Variants in ACTR1B observed in about 807,000 individuals in gnomAD.
ACTR1B encodes the protein actin related protein 1B.
Under a neutral mutation model 49.4 loss-of-function variants are expected in ACTR1B, and 34 were observed. That is an observed-to-expected ratio of 0.69 (90% confidence interval 0.52 to 0.92). The LOEUF (loss-of-function observed/expected upper bound fraction) is 0.92. ACTR1B is among the 40% of genes least tolerant of loss of function. The probability of loss-of-function intolerance (pLI) is 0.00; values close to 1 mark genes in which losing one functional copy is unlikely to be tolerated. For synonymous variants in ACTR1B, 207 were observed against 207.8 expected, an observed-to-expected ratio of 1.00 and a Z score of 0.03; for missense variants, 471 against 522.4, an observed-to-expected ratio of 0.90 and a Z score of 0.96.
In ACTR1B at chr2:97,658,338, C is replaced by T; in HGVS notation, c.658-22G>A. 1 of 1,614,108 alleles carries T rather than the reference C, an allele frequency of 6.2e-7. No individual in the cohort carries two copies. Among genetic ancestry groups the T allele is most frequent in the African/African-American group, 1.3e-5 (1 of 75,058 alleles). On this transcript the variant is annotated intron_variant, in intron 6 of 10. Transcript: ENST00000289228. This position sits in a 1 kb window ranked among gnomAD's most constrained non-coding sequence, Gnocchi z 5.9. ...CTCGCTGCGGGGACAGGGACACAGC[C>T]CTCAGAAGGCTGCACCTGGGACACC...
chr2:97,662,357 T>C (rs1675038371), intron 1 of ACTR1B, among the ~76,000 whole-genome samples: 1 of 151,414 alleles, frequency 6.6e-6, no homozygotes, highest in Non-Finnish European at 1.5e-5. Flanking sequence ...CAGGATTCCA[T>C]AGCACATGCT....
In ACTR1B at chr2:97,658,192, C is replaced by G; in HGVS notation, c.750+32G>C. On this transcript the variant is annotated intron_variant, in intron 7 of 10. Coordinates refer to ENST00000289228, the MANE Select transcript of ACTR1B (RefSeq NM_005735.4). The surrounding 1 kb of genome is among the most constrained non-coding windows in gnomAD (Gnocchi z 5.9). ...CCCCTTCCCCCAGGCTGGGCATCGG[C>G]TGCCACTCCAGTGCCAGGCCCGGCC... 6.2e-7 allele frequency: 1 copy of G among 1,613,644 alleles called. No individual in the cohort carries two copies.
At position 97,658,461 on chromosome 2, in the gene ACTR1B, G is replaced by A. The variant is rs1674917114; in HGVS notation, c.623C>T (p.Ser208Leu). Residue 208 changes from serine to leucine, a missense_variant, in exon 6 of 11, where the codon TCG becomes TTG. Transcript: ENST00000289228. This position sits in a 1 kb window ranked among gnomAD's most constrained non-coding sequence, Gnocchi z 5.9. ...TGTCCGGACAACCTCAAACTCAGCCGAGGTATGGAAGTCAACCCCTTCCTT... is the reference window on the plus strand; with the variant it reads ...TGTCCGGACAACCTCAAACTCAGCCAAGGTATGGAAGTCAACCCCTTCCTT... ...LRKEGVDFHT[S>L]AEFEVVRTIK... 3 of 1,614,096 alleles carry A rather than the reference G, an allele frequency of 1.9e-6. No homozygotes were observed. The highest frequency in any genetic ancestry group is 1.1e-5 in the South Asian group (1 of 91,066).
Position 97,659,117 on chromosome 2 carries a change from TC to T in ACTR1B, c.316-115del. ...CACAGGCAGCTCAGCCTCCTACCCC[TC>T]CTGAGGGCCCCATCCCTTTATCTGC... On this transcript the variant is annotated intron_variant, in intron 4 of 10. Transcript: ENST00000289228. The surrounding 1 kb of genome is among the most constrained non-coding windows in gnomAD (Gnocchi z 4.0). The T allele has an allele frequency of 6.5e-7, 1 of 1,528,462 alleles. No homozygotes were observed. Among genetic ancestry groups the T allele is most frequent in the Middle Eastern group, 1.8e-4 (1 of 5,406 alleles). The allele number at this position is 1,528,462 out of a possible 1,614,324, so 94.7% of individuals were successfully genotyped here. A position where few individuals can be genotyped will look rare whatever the true frequency, so the allele number is the denominator to read the frequency against.
Position 97,661,364 on chromosome 2 carries a change from G to A in ACTR1B, c.113+518C>T, listed in dbSNP as rs76715662. Among the ~76,000 whole-genome samples, 493 of 152,296 alleles carry A rather than the reference G, an allele frequency of 3.2e-3. 1 individual carries two copies. The highest frequency in any genetic ancestry group is 0.01 in the African/African-American group (430 of 41,570). On this transcript the variant is annotated intron_variant, in intron 2 of 10. Coordinates refer to ENST00000289228, the MANE Select transcript of ACTR1B (RefSeq NM_005735.4). ...GCCCCTAAGGGCAACTTTCCCAATG[G>A]GCTCGTGGTGGGTGCAAGGGGCACC...
Position 97,659,082 on chromosome 2 carries a change from C to A in ACTR1B, c.316-79G>T, listed in dbSNP as rs1165436527. ...AAAAGGCTCTTTCCAGAGAACCACA[C>A]CCGCTGGCGCACAGGCAGCTCAGCC... On this transcript the variant is annotated intron_variant, in intron 4 of 10. Transcript: ENST00000289228. This position sits in a 1 kb window ranked among gnomAD's most constrained non-coding sequence, Gnocchi z 4.0. 1.9e-6 allele frequency: 3 copies of A among 1,597,304 alleles called. No individual in the cohort carries two copies. The highest frequency in any genetic ancestry group is 2.2e-5 in the South Asian group (2 of 89,266).
chr2:97,658,069 G>A lies in ACTR1B; in HGVS notation c.799C>T (p.Leu267Phe). The part of the protein sequence containing the change: ...RAPELLFQPD[L>F]VGDESEGLHE... ...AGCCCCTCACTCTCATCCCCGACAA[G>A]GTCCGGCTGGAACAGCAGCTCGGGG... is the stretch of plus-strand genomic sequence containing the variant. The change falls in exon 8 of 11, where the codon CTT (leucine) becomes TTT (phenylalanine). Residue 267 changes from leucine to phenylalanine, a missense_variant. Transcript: ENST00000289228. This position sits in a 1 kb window ranked among gnomAD's most constrained non-coding sequence, Gnocchi z 5.9. 1 of 1,614,126 alleles carries A rather than the reference G, an allele frequency of 6.2e-7. No homozygotes were observed.
Position 97,657,189 on chromosome 2 carries a change from A to T in ACTR1B, c.991T>A (p.Ser331Thr), listed in dbSNP as rs753285454. The T allele has an allele frequency of 1.9e-6, 3 of 1,613,300 alleles. No individual in the cohort carries two copies. In the East Asian group the frequency reaches 6.7e-5, roughly 36 times the overall value. Reference protein sequence around the residue: ...LAPKDIKIKISAPQERLYSTW... With the variant: ...LAPKDIKIKITAPQERLYSTW... ...GAGTACAGCCGTTCCTGCGGGGCTG[A>T]GATCTAGAAGGAGGAAGTGGCCACG... The change falls in exon 10 of 11, where the codon TCA becomes ACA. Residue 331 changes from serine to threonine, a missense_variant. Coordinates refer to ENST00000289228, the MANE Select transcript of ACTR1B (RefSeq NM_005735.4).
At chr2:97,657,598 C>T in intron 8 of ACTR1B, 89 bp from the exon 9 acceptor site, 1 of 1,303,482 alleles carries the variant, frequency 7.7e-7, no homozygotes. Flanking sequence ...CCCCCAGCTA[C>T]TGCTGGTCCT....
rs777739271 is a variant in ACTR1B, at chr2:97,656,851, T to G, written c.*7A>C. The G allele has an allele frequency of 4.5e-6, 7 of 1,570,036 alleles. No individual in the cohort carries two copies. In the Admixed American group the frequency reaches 7.6e-5, roughly 17 times the overall value. ...CCTCTCCCAACATGCCCCGCCCTCC[T>G]TGGGCACTAGAAAGTTTTGCGATGA... On this transcript the variant is annotated 3_prime_UTR_variant, in exon 11 of 11. Coordinates refer to ENST00000289228, the MANE Select transcript of ACTR1B (RefSeq NM_005735.4).
intron 10 of ACTR1B, 37 bp downstream of exon 10, chr2:97,657,115 G>C (rs200156763): frequency 6.8e-6 from 11 of 1,606,150 alleles, no homozygotes; most frequent in Non-Finnish European, 9.4e-6. Flanking sequence ...GGGTAAAGTG[G>C]TCTCCTCCCA....
intron 2 of ACTR1B, 94 bp downstream of exon 2, chr2:97,661,788 C>A (rs1051849799): frequency 1.5e-5 from 19 of 1,304,226 alleles, no homozygotes; most frequent in East Asian, 1.0e-4. Flanking sequence ...CAGGTCAGGG[C>A]ACAAATTGTC....
chr2:97,661,803 A>G (rs1365212894), intron 2 of ACTR1B, 79 bp downstream of exon 2: 2 of 1,440,224 alleles, frequency 1.4e-6, no homozygotes, highest in East Asian at 2.5e-5. Flanking sequence ...ATTGTCTTCA[A>G]AGAGCCCTGT....
At position 97,657,514 on chromosome 2, in the gene ACTR1B, G is replaced by A. The variant is rs1219083360; in HGVS notation, c.926-5C>T. The A allele has an allele frequency of 6.2e-7, 1 of 1,614,076 alleles. No individual in the cohort carries two copies. Among genetic ancestry groups the A allele is most frequent in the East Asian group, 2.2e-5 (1 of 44,896 alleles). On this transcript the variant is annotated splice_polypyrimidine_tract_variant and splice_region_variant and intron_variant, in intron 8 of 10. Coordinates refer to ENST00000289228, the MANE Select transcript of ACTR1B (RefSeq NM_005735.4). Reference sequence around the variant, plus strand: ...TGAGTAATCGGTCTCCGAAGCCTGTGAACACAAAGCTGGCTGAGCCTGGGG... The same window carrying A: ...TGAGTAATCGGTCTCCGAAGCCTGTAAACACAAAGCTGGCTGAGCCTGGGG...
intron 2 of ACTR1B, 31 bp downstream of exon 2, chr2:97,661,851 G>C: frequency 1.3e-6 from 2 of 1,565,444 alleles, no homozygotes; most frequent in South Asian, 2.3e-5. Context: ...GTAAACAAAA[G>C]GACTAAGGCT....
chr2:97,656,778 A>G lies in ACTR1B; in HGVS notation c.*80T>C, dbSNP rs1573179079. 8.2e-7 allele frequency: 1 copy of G among 1,215,892 alleles called. No homozygotes were observed. Among genetic ancestry groups the G allele is most frequent in the Non-Finnish European group, 1.2e-6 (1 of 844,956 alleles). 75.3% of individuals were successfully genotyped at this position (1,215,892 alleles called of 1,614,324 possible). The stretch of plus-strand genomic sequence containing the variant: ...ATGCAGGGGACCCTAAGCCTAGTAT[A>G]CGAGCCAAGACCAAAAAGGGTTAAA... On this transcript the variant is annotated 3_prime_UTR_variant, in exon 11 of 11. Transcript: ENST00000289228.
At chr2:97,663,282 T>C (rs1179933384) in intron 1 of ACTR1B, among the ~76,000 whole-genome samples, 1 of 152,208 alleles carries the variant, frequency 6.6e-6, no homozygotes, top group Non-Finnish European at 1.5e-5. Flanking sequence ...CTCTGCTGGC[T>C]GTGGAATGTT....
Position 97,661,905 on chromosome 2 carries a change from A to T in ACTR1B, c.90T>A (p.Ile30=), listed in dbSNP as rs1407599830. 1.3e-5 allele frequency: 20 copies of T among 1,597,096 alleles called. No homozygotes were observed. The highest frequency in any genetic ancestry group is 8.6e-5 in the Admixed American group (5 of 57,942). The change falls in exon 2 of 11, where the codon ATT becomes ATA. Residue 30 remains isoleucine, a synonymous_variant. Transcript: ENST00000289228. ...ACTAGTTTGGGAAACAGTATTTGGG[A>T]ATCTGGTCTCCTGCAAAGCCAGCTT... The part of the protein sequence containing the change: ...VIKAGFAGDQ[I]PKYCFPNYVG...
chr2:97,661,894 C>G lies in ACTR1B; in HGVS notation c.101G>C (p.Cys34Ser), dbSNP rs1415287902. Residue 34 changes from cysteine to serine, a missense_variant, in exon 2 of 11, where the codon TGT becomes TCT. Transcript: ENST00000289228. ...GAGCCACACTTACTAGTTTGGGAAA[C>G]AGTATTTGGGAATCTGGTCTCCTGC... is the stretch of plus-strand genomic sequence containing the variant. Reference protein sequence around the residue: ...GFAGDQIPKYCFPNYVGRPKH... With the variant: ...GFAGDQIPKYSFPNYVGRPKH... 6.3e-7 allele frequency: 1 copy of G among 1,595,046 alleles called. No individual in the cohort carries two copies. The highest frequency in any genetic ancestry group is 1.1e-5 in the South Asian group (1 of 87,864).
Sources: gnomAD v4.1 joint callset for allele counts (sites outside exome capture counted in the v4.1 genomes callset) on GRCh38, gnomAD v4.1.1 for gene constraint, Gnocchi (gnomAD v3.1) non-coding constraint, MANE v1.5 for transcripts, NCBI Gene and HGNC (gene_info 2026-07-23, HGNC 2026-07-21) for gene names.